ROBO2: variants seen among roughly 807,000 people sequenced by gnomAD.
The protein encoded by ROBO2 is roundabout homolog 2.
A neutral mutation model predicts 160.8 loss-of-function variants in ROBO2; 53 were observed. That is an observed-to-expected ratio of 0.33 (90% CI 0.26 to 0.41). The LOEUF (loss-of-function observed/expected upper bound fraction) is 0.41, where lower values mean the gene tolerates loss of function less well. ROBO2 is among the 10% of genes least tolerant of loss of function. The probability of loss-of-function intolerance (pLI) is 1.00; values close to 1 mark genes in which losing one functional copy is unlikely to be tolerated. For missense variants in ROBO2, 1,577 were observed against 1,722.4 expected (o/e 0.92, Z 1.49); for synonymous variants, 664 against 611.7 (o/e 1.09, Z -1.26).
chr3:77,350,096 T>C (rs1331803987), intron 2 of ROBO2, among the ~76,000 whole-genome samples: 2 of 150,852 alleles, frequency 1.3e-5, no homozygotes, highest in Non-Finnish European at 2.9e-5. Context: ...CACACACACA[T>C]TCATATATAT....
At chr3:77,077,326 T>G (rs2149891000) in intron 1 of ROBO2, among the ~76,000 whole-genome samples, 1 of 152,240 alleles carries the variant, frequency 6.6e-6, no homozygotes, top group East Asian at 1.9e-4. Flanking sequence ...TTATTGGATA[T>G]TATTATAGTA....
chr3:77,093,458 A>G (rs1333586578), intron 1 of ROBO2, among the ~76,000 whole-genome samples: 1 of 152,144 alleles, frequency 6.6e-6, no homozygotes, highest in Non-Finnish European at 1.5e-5. Flanking sequence ...TAGAATACCC[A>G]GTAGTTTAGT....
intron 2 of ROBO2, among the ~76,000 whole-genome samples, chr3:76,682,912 C>T (rs2092600893): frequency 6.6e-6 from 1 of 151,920 alleles, no homozygotes; most frequent in Non-Finnish European, 1.5e-5. Flanking sequence ...AACTGGCGCT[C>T]AGAAGAAAGG....
At chr3:76,879,200 A>G (rs1056698339) in intron 2 of ROBO2, among the ~76,000 whole-genome samples, 6 of 152,162 alleles carry the variant, frequency 3.9e-5, no homozygotes, top group African/African-American at 1.4e-4. Flanking sequence ...TTGAAAACAT[A>G]GTCGAAGGAA....
chr3:76,080,495 G>T (rs922330404), intron 2 of ROBO2, among the ~76,000 whole-genome samples: 16 of 152,124 alleles, frequency 1.1e-4, no homozygotes, highest in African/African-American at 3.6e-4. Flanking sequence ...TTTCGTTTCT[G>T]CAAAAGATAC....
chr3:76,925,467 G>T (rs188712418), intron 2 of ROBO2, among the ~76,000 whole-genome samples: 161 of 152,134 alleles, frequency 1.1e-3, no homozygotes, highest in African/African-American at 3.7e-3. Context: ...AAAATATCAA[G>T]ATAGTAACTG....
At chr3:75,946,709 A>G (rs1948308406) in intron 2 of ROBO2, among the ~76,000 whole-genome samples, 1 of 152,122 alleles carries the variant, frequency 6.6e-6, no homozygotes, top group Non-Finnish European at 1.5e-5. Context: ...TAATTTAAAA[A>G]GAGAGCTTGA....
chr3:76,846,710 CTATT>C (rs1577014693), intron 2 of ROBO2, among the ~76,000 whole-genome samples: 1 of 152,068 alleles, frequency 6.6e-6, no homozygotes, highest in African/African-American at 2.4e-5. Context: ...AACTCACAAA[CTATT>C]TAGTTTCTTA....
intron 4 of ROBO2, among the ~76,000 whole-genome samples, chr3:77,481,962 A>T (rs1247846971): frequency 1.3e-5 from 2 of 152,144 alleles, no homozygotes; most frequent in Non-Finnish European, 2.9e-5. Flanking sequence ...ATGACAAAAA[A>T]TTGGAAAAAA....
chr3:76,615,410 A>C (rs1364801509), intron 2 of ROBO2, among the ~76,000 whole-genome samples: 1 of 152,136 alleles, frequency 6.6e-6, no homozygotes, highest in Non-Finnish European at 1.5e-5. Context: ...TAATAATAAT[A>C]ATCATCCCCT....
chr3:76,725,727 C>T (rs1166782808), intron 2 of ROBO2, among the ~76,000 whole-genome samples: 1 of 152,128 alleles, frequency 6.6e-6, no homozygotes, highest in Non-Finnish European at 1.5e-5. Context: ...CAGGTATTCT[C>T]TGTTAGGTGG....
intron 2 of ROBO2, among the ~76,000 whole-genome samples, chr3:76,964,683 T>C (rs183595548): frequency 5.9e-5 from 9 of 152,328 alleles, no homozygotes; most frequent in Admixed American, 3.3e-4. Flanking sequence ...ACAACTGATA[T>C]AGGTCATTCC....
At chr3:76,001,231 A>G (rs961695980) in intron 2 of ROBO2, among the ~76,000 whole-genome samples, 2 of 152,236 alleles carry the variant, frequency 1.3e-5, no homozygotes, top group South Asian at 4.1e-4. Context: ...TTTAAGGGCT[A>G]TAGAAAATTT....
chr3:77,584,808 A>T (rs926681949), intron 16 of ROBO2, among the ~76,000 whole-genome samples: 3 of 151,774 alleles, frequency 2.0e-5, no homozygotes, highest in Admixed American at 2.0e-4. Flanking sequence ...ACCAAAAAGG[A>T]TTTAACTTAC....
intron 2 of ROBO2, among the ~76,000 whole-genome samples, chr3:76,643,959 A>G (rs2090835095): frequency 6.6e-6 from 1 of 152,202 alleles, no homozygotes; most frequent in Non-Finnish European, 1.5e-5. Context: ...TAAATAATGA[A>G]TTAGATGTCC....
intron 2 of ROBO2, among the ~76,000 whole-genome samples, chr3:76,602,707 G>A (rs1280478795): frequency 6.6e-6 from 1 of 151,680 alleles, no homozygotes; most frequent in African/African-American, 2.4e-5. Context: ...GATGAGATTT[G>A]GGTGGGGACT....
intron 2 of ROBO2, among the ~76,000 whole-genome samples, chr3:76,580,317 G>GTTTTTTTTTTTGGTT (rs1329634324): frequency 2.6e-5 from 1 of 38,846 alleles, no homozygotes; most frequent in African/African-American, 6.9e-5. Flanking sequence ...CCCAACCCCT[G>GTTTTTTTTTTTGGTT]TTTTTTTTTT....
Position 76,420,635 on chromosome 3 carries a change from C to T in ROBO2, c.109+483033C>T, listed in dbSNP as rs150461246. Reference sequence around the variant, plus strand: ...ATAGATCCCTTTTTGTTGCTATCTGCCATTTTATATAAATATGAAAACATC... The same window carrying T: ...ATAGATCCCTTTTTGTTGCTATCTGTCATTTTATATAAATATGAAAACATC... On this transcript the variant is annotated intron_variant, in intron 2 of 26. Transcript: ENST00000487694. 3.1e-3 allele frequency among the ~76,000 whole-genome samples: 466 copies of T among 152,200 alleles called. 1 individual carries two copies. The highest frequency in any genetic ancestry group is 0.011 in the African/African-American group (445 of 41,544).
At chr3:77,113,607 C>A (rs1160848502) in intron 2 of ROBO2, among the ~76,000 whole-genome samples, 2 of 152,182 alleles carry the variant, frequency 1.3e-5, no homozygotes. Context: ...TATCAGATGA[C>A]ATGCAAATGA....
Sources: gnomAD v4.1 joint callset for allele counts (sites outside exome capture counted in the v4.1 genomes callset) on GRCh38, gnomAD v4.1.1 for gene constraint, MANE v1.5 for transcripts, NCBI Gene and HGNC (gene_info 2026-07-23, HGNC 2026-07-21) for gene names.